The following FHIT variants were observed in gnomAD, a reference collection of about 807,000 sequenced individuals.
The protein encoded by FHIT is bis(5'-adenosyl)-triphosphatase.
Under a neutral mutation model 17.9 loss-of-function variants are expected in FHIT, and 19 were observed. That is an observed-to-expected ratio of 1.06 (90% CI 0.74 to 1.56). The LOEUF is 1.56. FHIT is among the 40% of genes most tolerant of loss of function. The pLI is 0.00. For synonymous variants in FHIT, 81 were observed against 69.7 expected, an observed-to-expected ratio of 1.16 and a Z score of -0.81; for missense variants, 248 against 189.2, an observed-to-expected ratio of 1.31 and a Z score of -1.82.
rs368073249 is a variant in FHIT, at chr3:60,594,599, ATCC to A, written c.-17-57623_-17-57621del. Among the ~76,000 whole-genome samples the A allele has an allele frequency of 2.2e-4, 33 of 151,620 alleles. No homozygotes were observed. In the East Asian group the frequency reaches 4.7e-3, roughly 22 times the overall value. ...CAGCCTCAAGTCAGGTCACACCTGA[ATCC>A]TCCTCCTCCCTTCCCTCTCCTCTCC... is the stretch of plus-strand genomic sequence containing the variant. On this transcript the variant is annotated intron_variant, in intron 4 of 9. Coordinates refer to ENST00000492590, the MANE Select transcript of FHIT (RefSeq NM_002012.4).
chr3:59,881,978 G>A (rs1703429072), intron 8 of FHIT, among the ~76,000 whole-genome samples: 1 of 152,058 alleles, frequency 6.6e-6, no homozygotes, highest in Non-Finnish European at 1.5e-5. Flanking sequence ...ACCATGAGGT[G>A]CTTTGGAATT....
chr3:59,864,404 C>T (rs1702542143), intron 8 of FHIT, among the ~76,000 whole-genome samples: 2 of 152,266 alleles, frequency 1.3e-5, no homozygotes, highest in South Asian at 4.2e-4. Context: ...TGCCTTCCAC[C>T]ATGATTCTGA....
chr3:60,064,012 G>A (rs212006), intron 5 of FHIT, among the ~76,000 whole-genome samples: 53,220 of 152,046 alleles, frequency 0.35, 11,820 homozygotes, highest in African/African-American at 0.63. Context: ...GCTCCGTGTC[G>A]TTTTGTTTAG....
chr3:61,004,463 T>G (rs1376216793), intron 3 of FHIT, among the ~76,000 whole-genome samples: 1 of 152,156 alleles, frequency 6.6e-6, no homozygotes, highest in Non-Finnish European at 1.5e-5. Context: ...TTGGGTAGTA[T>G]GTAGGAAAAC....
intron 4 of FHIT, among the ~76,000 whole-genome samples, chr3:60,774,944 C>T (rs1553724131): frequency 6.6e-6 from 1 of 152,128 alleles, no homozygotes; most frequent in Admixed American, 6.5e-5. Context: ...ATTTTTAGAT[C>T]GAGTTGACCA....
At chr3:60,928,557 T>C (rs1341635596) in intron 3 of FHIT, among the ~76,000 whole-genome samples, 1 of 139,860 alleles carries the variant, frequency 7.2e-6, no homozygotes, top group African/African-American at 2.7e-5. Context: ...TCTAAATAAA[T>C]AAATAAATAA....
chr3:60,665,720 T>G (rs1735473), intron 4 of FHIT, among the ~76,000 whole-genome samples: 111,345 of 151,834 alleles, frequency 0.73, 41,646 homozygotes, highest in East Asian at 0.84. Flanking sequence ...GTTCTATTAT[T>G]CACTTTGTTT....
chr3:61,206,648 T>A (rs1481188134), intron 1 of FHIT, among the ~76,000 whole-genome samples: 2 of 152,160 alleles, frequency 1.3e-5, no homozygotes, highest in African/African-American at 4.8e-5. Flanking sequence ...GGAATGCTTG[T>A]GATTTTTGCA....
intron 5 of FHIT, among the ~76,000 whole-genome samples, chr3:60,117,793 C>A (rs1032493735): frequency 1.4e-5 from 2 of 138,646 alleles, no homozygotes; most frequent in Non-Finnish European, 3.3e-5. Context: ...TAGAGGCCAC[C>A]AGTGAAAAGG....
chr3:60,389,877 A>G, intron 5 of FHIT, among the ~76,000 whole-genome samples: 1 of 151,978 alleles, frequency 6.6e-6, no homozygotes. Context: ...CCACCTCCAC[A>G]TTTTTCCCTC....
intron 3 of FHIT, among the ~76,000 whole-genome samples, chr3:60,854,029 A>G (rs1553749177): frequency 6.6e-6 from 1 of 152,132 alleles, no homozygotes; most frequent in East Asian, 1.9e-4. Flanking sequence ...CCAAATGCCT[A>G]AAACATAATA....
chr3:61,090,570 C>T (rs942096719), intron 2 of FHIT, among the ~76,000 whole-genome samples: 1 of 152,076 alleles, frequency 6.6e-6, no homozygotes, highest in Non-Finnish European at 1.5e-5. Context: ...ATTCCAAATG[C>T]CATGGGCCTC....
At chr3:59,817,897 C>T (rs1700658036) in intron 8 of FHIT, among the ~76,000 whole-genome samples, 1 of 151,996 alleles carries the variant, frequency 6.6e-6, no homozygotes, top group African/African-American at 2.4e-5. Flanking sequence ...CTGAGAGCTT[C>T]AGGGGCACTC....
At chr3:59,922,147 A>G (rs1382715358) in intron 8 of FHIT, among the ~76,000 whole-genome samples, 199 bp downstream of exon 8, 1 of 152,230 alleles carries the variant, frequency 6.6e-6, no homozygotes, top group African/African-American at 2.4e-5. Context: ...TTTGAAAAAG[A>G]AAATCATTAT....
chr3:60,359,255 T>C (rs1204424756), intron 5 of FHIT, among the ~76,000 whole-genome samples: 3 of 152,074 alleles, frequency 2.0e-5, no homozygotes, highest in East Asian at 1.9e-4. Context: ...CAAAATATAT[T>C]ATTACTTGAA....
At chr3:60,093,922 A>T (rs1185409423) in intron 5 of FHIT, among the ~76,000 whole-genome samples, 1 of 152,106 alleles carries the variant, frequency 6.6e-6, no homozygotes, top group African/African-American at 2.4e-5. Context: ...ATTTACTTAA[A>T]AATCTGTTCA....
chr3:60,046,876 C>G (rs1329888912), intron 5 of FHIT, among the ~76,000 whole-genome samples: 2 of 152,130 alleles, frequency 1.3e-5, no homozygotes, highest in Non-Finnish European at 2.9e-5. Context: ...ACATAGTAAA[C>G]AGCTTTCTCT....
chr3:60,840,858 A>G (rs1553744908), intron 3 of FHIT, among the ~76,000 whole-genome samples: 1 of 152,224 alleles, frequency 6.6e-6, no homozygotes, highest in Admixed American at 6.5e-5. Context: ...CATCTCATAT[A>G]TGCAGTTTTC....
chr3:60,224,458 C>G (rs1704097023), intron 5 of FHIT, among the ~76,000 whole-genome samples: 1 of 152,168 alleles, frequency 6.6e-6, no homozygotes, highest in African/African-American at 2.4e-5. Flanking sequence ...TCCTGTATGT[C>G]TTTCACTTGT....
Sources: allele counts gnomAD v4.1 joint callset (sites outside exome capture counted in the v4.1 genomes callset), GRCh38; gene constraint gnomAD v4.1.1; transcripts MANE v1.5; gene names NCBI Gene and HGNC (gene_info 2026-07-23, HGNC 2026-07-21).